CTNND2: variants seen among roughly 807,000 people sequenced by gnomAD.
CTNND2 encodes catenin delta 2.
CTNND2 carries 22 observed loss-of-function variants against 144.4 expected under a neutral mutation model. That is an observed-to-expected ratio of 0.15 (90% CI 0.11 to 0.22). The LOEUF (loss-of-function observed/expected upper bound fraction) is 0.22. CTNND2 is among the 10% of genes least tolerant of loss of function. CTNND2 has a pLI of 1.00. For missense variants in CTNND2, 1,353 were observed against 1,618.8 expected, an observed-to-expected ratio of 0.84 and a Z score of 2.82; for synonymous variants, 751 against 695.6, an observed-to-expected ratio of 1.08 and a Z score of -1.25.
chr5:11,618,322 A>G (rs1780674289), intron 2 of CTNND2, among the ~76,000 whole-genome samples: 1 of 152,216 alleles, frequency 6.6e-6, no homozygotes, highest in South Asian at 2.1e-4. Context: ...CAACACGTTA[A>G]AGTTTCTGCA....
chr5:11,323,073 G>A (rs923360933), intron 9 of CTNND2, among the ~76,000 whole-genome samples: 1 of 152,100 alleles, frequency 6.6e-6, no homozygotes, highest in Non-Finnish European at 1.5e-5. Flanking sequence ...GGATCTTGCT[G>A]TCTTGCCCCG....
intron 3 of CTNND2, among the ~76,000 whole-genome samples, chr5:11,433,094 A>T (rs1333455360): frequency 2.0e-5 from 3 of 152,134 alleles, no homozygotes; most frequent in African/African-American, 7.2e-5. Context: ...AATACAAAAA[A>T]AATTAGCTGG....
chr5:11,045,757 A>G (rs1432815357), intron 16 of CTNND2, among the ~76,000 whole-genome samples: 1 of 152,116 alleles, frequency 6.6e-6, no homozygotes, highest in Admixed American at 6.5e-5. Context: ...CTTTTTCCAA[A>G]TAAGGTCACA....
intron 11 of CTNND2, 92 bp downstream of exon 11, chr5:11,199,356 C>T (rs1366630451): frequency 1.7e-6 from 2 of 1,158,010 alleles, no homozygotes; most frequent in East Asian, 2.5e-5. Context: ...TAGAACACCA[C>T]AATATTTATT....
intron 6 of CTNND2, among the ~76,000 whole-genome samples, chr5:11,392,941 A>T (rs931896236): frequency 3.3e-5 from 5 of 152,164 alleles, no homozygotes; most frequent in African/African-American, 1.2e-4. Flanking sequence ...TTTTTATTCA[A>T]CACTCAAGAC....
intron 2 of CTNND2, among the ~76,000 whole-genome samples, chr5:11,724,524 C>G (rs905244258): frequency 6.6e-6 from 1 of 152,038 alleles, no homozygotes; most frequent in African/African-American, 2.4e-5. Context: ...GGGCTGGATT[C>G]CAAGCTTATC....
At chr5:11,109,215 A>C (rs957340659) in intron 14 of CTNND2, among the ~76,000 whole-genome samples, 2 of 152,204 alleles carry the variant, frequency 1.3e-5, no homozygotes, top group Admixed American at 6.5e-5. Flanking sequence ...TGATGCATAG[A>C]GTGTCAAACA....
intron 7 of CTNND2, among the ~76,000 whole-genome samples, chr5:11,371,966 C>T (rs1269040546): frequency 6.6e-6 from 1 of 152,118 alleles, no homozygotes; most frequent in African/African-American, 2.4e-5. Context: ...CCTCCTATTT[C>T]ATCATATTTC....
At chr5:11,684,636 GC>G (rs1784563241) in intron 2 of CTNND2, among the ~76,000 whole-genome samples, 2 of 152,090 alleles carry the variant, frequency 1.3e-5, no homozygotes, top group African/African-American at 4.8e-5. Flanking sequence ...CATGTACTGT[GC>G]CTCCCACCTT....
intron 21 of CTNND2, among the ~76,000 whole-genome samples, chr5:10,975,164 G>C (rs180911392): frequency 2.0e-5 from 3 of 152,316 alleles, no homozygotes; most frequent in African/African-American, 7.2e-5. Flanking sequence ...TGCGTTGCTA[G>C]GTTGGGGTGC....
At chr5:11,720,423 C>G (rs184248925) in intron 2 of CTNND2, among the ~76,000 whole-genome samples, 21 of 152,270 alleles carry the variant, frequency 1.4e-4, no homozygotes, top group Middle Eastern at 3.4e-3. Flanking sequence ...CCTGCCTCTC[C>G]TAAATTTTGA....
At chr5:11,867,359 T>A (rs1374447011) in intron 1 of CTNND2, among the ~76,000 whole-genome samples, 1 of 152,138 alleles carries the variant, frequency 6.6e-6, no homozygotes, top group African/African-American at 2.4e-5. Flanking sequence ...GGGAAGAAAA[T>A]ACAAAATCAC....
intron 2 of CTNND2, among the ~76,000 whole-genome samples, chr5:11,713,881 G>A (rs958674450): frequency 1.3e-5 from 2 of 152,092 alleles, no homozygotes; most frequent in Non-Finnish European, 2.9e-5. Flanking sequence ...TAGTGATCAA[G>A]GCTTCTGGAC....
intron 9 of CTNND2, among the ~76,000 whole-genome samples, chr5:11,304,459 C>T (rs1339478150): frequency 6.6e-6 from 1 of 152,124 alleles, no homozygotes; most frequent in African/African-American, 2.4e-5. Flanking sequence ...CTCAATGGTG[C>T]TCAGCAATGC....
intron 16 of CTNND2, among the ~76,000 whole-genome samples, chr5:11,023,475 TAA>T (rs1327989727): frequency 6.6e-6 from 1 of 152,232 alleles, no homozygotes; most frequent in Non-Finnish European, 1.5e-5. Flanking sequence ...CTGTATTTTT[TAA>T]AAACAGTCAA....
At chr5:11,441,153 T>C (rs1487772737) in intron 3 of CTNND2, among the ~76,000 whole-genome samples, 1 of 152,126 alleles carries the variant, frequency 6.6e-6, no homozygotes, top group Non-Finnish European at 1.5e-5. Context: ...TATTTGGTAA[T>C]TACTTTTTGT....
At chr5:11,554,080 C>T (rs1776008074) in intron 3 of CTNND2, among the ~76,000 whole-genome samples, 1 of 152,080 alleles carries the variant, frequency 6.6e-6, no homozygotes, top group African/African-American at 2.4e-5. Flanking sequence ...AAATTTAGAA[C>T]TATTATACGC....
intron 3 of CTNND2, among the ~76,000 whole-genome samples, chr5:11,556,188 T>TC (rs1776220426): frequency 6.6e-6 from 1 of 152,178 alleles, no homozygotes; most frequent in African/African-American, 2.4e-5. Context: ...ACTTTTTTTT[T>TC]CCACCTGGCA....
At chr5:11,459,525 G>C (rs1013601941) in intron 3 of CTNND2, among the ~76,000 whole-genome samples, 7 of 152,190 alleles carry the variant, frequency 4.6e-5, no homozygotes, top group African/African-American at 1.2e-4. Flanking sequence ...AAAGCACCAT[G>C]TATGGGGACA....
Sources: gnomAD v4.1 joint callset for allele counts (sites outside exome capture counted in the v4.1 genomes callset) on GRCh38, gnomAD v4.1.1 for gene constraint, MANE v1.5 for transcripts, NCBI Gene and HGNC (gene_info 2026-07-23, HGNC 2026-07-21) for gene names.